TMEM131L: variants seen among roughly 807,000 people sequenced by gnomAD.
The protein encoded by TMEM131L is transmembrane protein 131-like.
A neutral mutation model predicts 192.2 loss-of-function variants in TMEM131L; 54 were observed. That is an observed-to-expected ratio of 0.28 (90% CI 0.23 to 0.35). The LOEUF is 0.35. TMEM131L is among the 10% of genes least tolerant of loss of function. The probability of loss-of-function intolerance (pLI) is 1.00; values close to 1 mark genes in which losing one functional copy is unlikely to be tolerated. For synonymous variants in TMEM131L, 701 were observed against 704.9 expected (o/e 0.99, Z 0.09); for missense variants, 1,888 against 1,972.9 (o/e 0.96, Z 0.82).
Position 153,564,283 on chromosome 4 carries a change from G to A in TMEM131L, c.660+5915G>A, listed in dbSNP as rs1011537696. Reference sequence around the variant, plus strand: ...CAGCCTGGGAGACGAGCAAAACTCCGTCTCAAAAAAAAAAAAAAAAAAAAA... The same window carrying A: ...CAGCCTGGGAGACGAGCAAAACTCCATCTCAAAAAAAAAAAAAAAAAAAAA... On this transcript the variant is annotated intron_variant, in intron 7 of 34. Coordinates refer to ENST00000409959, the MANE Select transcript of TMEM131L (RefSeq NM_001131007.2). Among the ~76,000 whole-genome samples the A allele has an allele frequency of 1.2e-3, 103 of 86,504 alleles. 2 individuals carry two copies. The highest frequency in any genetic ancestry group is 6.4e-3 in the African/African-American group (93 of 14,632). The allele number at this position is 86,504 out of a possible 152,430, so 56.7% of individuals were successfully genotyped here.
intron 3 of TMEM131L, among the ~76,000 whole-genome samples, chr4:153,501,866 C>G (rs1008670950): frequency 5.9e-5 from 9 of 151,892 alleles, no homozygotes; most frequent in African/African-American, 2.2e-4. Context: ...ATTTCCCCTC[C>G]AGGATGGAGG....
rs75585820 is a variant in TMEM131L at position 153,553,195 on chromosome 4, T to C, written c.309-2592T>C. On this transcript the variant is annotated intron_variant, in intron 4 of 34. Transcript: ENST00000409959. ...GGTTCCCAAAGTGTAATCATGTCCGTTGTCATTTGAGTTTTATATCAGTCC... is the reference window on the plus strand; with the variant it reads ...GGTTCCCAAAGTGTAATCATGTCCGCTGTCATTTGAGTTTTATATCAGTCC... 8.4e-3 allele frequency among the ~76,000 whole-genome samples: 1,284 copies of C among 152,278 alleles called. 22 individuals carry two copies. Among genetic ancestry groups the C allele is most frequent in the African/African-American group, 0.029 (1,210 of 41,554 alleles).
chr4:153,618,678 T>C (rs1249839232), intron 26 of TMEM131L, among the ~76,000 whole-genome samples: 1 of 152,072 alleles, frequency 6.6e-6, no homozygotes, highest in Non-Finnish European at 1.5e-5. Flanking sequence ...AGGCACGAGA[T>C]TGAAACTAGG....
At chr4:153,488,545 G>T (rs1276427039) in intron 3 of TMEM131L, among the ~76,000 whole-genome samples, 1 of 152,192 alleles carries the variant, frequency 6.6e-6, no homozygotes, top group African/African-American at 2.4e-5. Flanking sequence ...AGGGGAGAAG[G>T]GCCTCCCCAG....
In TMEM131L at chr4:153,580,861, A is replaced by G. The variant is rs553100868; in HGVS notation, c.696A>G (p.Gln232=). ...ETTNTSLLQV[Q]LECSLHNKVC... ...CTAATACTAGCCTCTTGCAGGTGCAACTGGAATGCAGTTTACATAATAAAG... is the reference window on the plus strand; with the variant it reads ...CTAATACTAGCCTCTTGCAGGTGCAGCTGGAATGCAGTTTACATAATAAAG... The change falls in exon 8 of 35, where the codon CAA becomes CAG. Residue 232 remains glutamine (Q), a synonymous_variant. Coordinates refer to ENST00000409959, the MANE Select transcript of TMEM131L (RefSeq NM_001131007.2). 8 of 1,612,982 alleles carry G rather than the reference A, an allele frequency of 5.0e-6. No individual in the cohort carries two copies. Among genetic ancestry groups the G allele is most frequent in the African/African-American group, 1.3e-5 (1 of 74,980 alleles).
At chr4:153,538,978 A>G (rs1355096160) in intron 3 of TMEM131L, among the ~76,000 whole-genome samples, 2 of 152,222 alleles carry the variant, frequency 1.3e-5, no homozygotes, top group Non-Finnish European at 2.9e-5. Flanking sequence ...ACCCAGATGC[A>G]GAGAAGCCTT....
At position 153,622,596 on chromosome 4, in the gene TMEM131L, C is replaced by T. The variant is rs749487076; in HGVS notation, c.3860-302C>T. ...AATCTCTGGTGCAATAGAGTAGCCT[C>T]AGTCTTCTTGATATAAGTTATTTGT... On this transcript the variant is annotated intron_variant, in intron 28 of 34. Transcript: ENST00000409959. Among the ~76,000 whole-genome samples, 58 of 152,336 alleles carry T rather than the reference C, an allele frequency of 3.8e-4. 1 individual carries two copies. The highest frequency in any genetic ancestry group is 2.4e-4 in the Non-Finnish European group (16 of 68,032).
chr4:153,595,099 T>C (rs1731337883), intron 19 of TMEM131L, among the ~76,000 whole-genome samples: 1 of 152,204 alleles, frequency 6.6e-6, no homozygotes, highest in South Asian at 2.1e-4. Flanking sequence ...TTATTACTAT[T>C]GTTAATTTAT....
At chr4:153,476,989 T>A (rs74956375) in intron 3 of TMEM131L, among the ~76,000 whole-genome samples, 2,505 of 152,240 alleles carry the variant, frequency 0.016, 69 homozygotes, top group African/African-American at 0.054. Flanking sequence ...TTAAACATCC[T>A]TTTTGGGTGT....
chr4:153,607,534 T>C (rs764368801), intron 25 of TMEM131L, among the ~76,000 whole-genome samples: 6 of 152,152 alleles, frequency 3.9e-5, no homozygotes, highest in Non-Finnish European at 7.4e-5. Flanking sequence ...GTTTGCCACA[T>C]TTTAGCCATT....
chr4:153,478,221 G>C (rs1731688421), intron 3 of TMEM131L, among the ~76,000 whole-genome samples: 1 of 152,084 alleles, frequency 6.6e-6, no homozygotes, highest in Non-Finnish European at 1.5e-5. Context: ...AAAAACCTTT[G>C]TGTCCATTTT....
At chr4:153,499,851 T>A (rs917827076) in intron 3 of TMEM131L, among the ~76,000 whole-genome samples, 2 of 152,234 alleles carry the variant, frequency 1.3e-5, no homozygotes, top group Non-Finnish European at 2.9e-5. Flanking sequence ...GTTCTCTGAT[T>A]TTGACTTCAC....
intron 15 of TMEM131L, among the ~76,000 whole-genome samples, chr4:153,588,343 T>TG (rs1039644849): frequency 6.7e-6 from 1 of 150,204 alleles, no homozygotes; most frequent in African/African-American, 2.5e-5. Flanking sequence ...TATAGTTTTT[T>TG]TTTTTTTTTT....
chr4:153,500,470 G>A (rs562490268), intron 3 of TMEM131L, among the ~76,000 whole-genome samples: 60 of 152,140 alleles, frequency 3.9e-4, no homozygotes, highest in Non-Finnish European at 8.1e-4. Flanking sequence ...GATCTGAATG[G>A]TGCCCTATGT....
chr4:153,578,390 T>A (rs1273790898), intron 7 of TMEM131L, among the ~76,000 whole-genome samples: 1 of 151,984 alleles, frequency 6.6e-6, no homozygotes, highest in African/African-American at 2.4e-5. Flanking sequence ...AGTTTCACTC[T>A]TGTCACCCAG....
intron 25 of TMEM131L, among the ~76,000 whole-genome samples, chr4:153,606,625 T>C (rs561590133): frequency 1.3e-5 from 2 of 152,352 alleles, no homozygotes; most frequent in South Asian, 2.1e-4. Context: ...TCTGGAAACA[T>C]AGAGTTTGCC....
rs184282051 is a variant in TMEM131L at position 153,559,496 on chromosome 4, T to A, written c.660+1128T>A. ...CTAAATATTGGAATAGAGACAGGTA[T>A]TCAGAATACCTTAGTTATTGGGGGT... On this transcript the variant is annotated intron_variant, in intron 7 of 34. Coordinates refer to ENST00000409959, the MANE Select transcript of TMEM131L (RefSeq NM_001131007.2). 3.3e-5 allele frequency among the ~76,000 whole-genome samples: 5 copies of A among 152,050 alleles called. No homozygotes were observed. The East Asian group carries it at 9.7e-4, about 29-fold the overall frequency.
chr4:153,581,342 T>A, intron 8 of TMEM131L, 65 bp from the exon 9 acceptor site: 1 of 1,343,204 alleles, frequency 7.4e-7, no homozygotes, highest in Non-Finnish European at 1.0e-6. Flanking sequence ...CTTTCCTCCA[T>A]AGTTTGAAAC....
intron 9 of TMEM131L, among the ~76,000 whole-genome samples, chr4:153,582,430 G>GTTTTTTTTTTTTTTTTTTTTTTTTT (rs1561212531): frequency 2.6e-5 from 1 of 38,534 alleles, no homozygotes; most frequent in Non-Finnish European, 4.6e-5. Flanking sequence ...GTTTTTTTTT[G>GTTTTTTTTTTTTTTTTTTTTTTTTT]TTGTTTTTTT....
Sources: allele counts gnomAD v4.1 joint callset (sites outside exome capture counted in the v4.1 genomes callset), GRCh38; gene constraint gnomAD v4.1.1; transcripts MANE v1.5; gene names NCBI Gene and HGNC (gene_info 2026-07-23, HGNC 2026-07-21).